Variants in SPRED2 observed in about 807,000 individuals in gnomAD.
SPRED2 encodes the protein sprouty related EVH1 domain containing 2.
Under a neutral mutation model 43.0 loss-of-function variants are expected in SPRED2, and 47 were observed. The ratio of observed to expected loss-of-function variants is 1.09; its 90% confidence interval spans 0.87 to 1.40. The LOEUF (loss-of-function observed/expected upper bound fraction) is 1.40. Among genes scored for constraint, SPRED2 ranks in the 40% most tolerant of loss-of-function variants. The pLI is 0.00. For synonymous variants in SPRED2, 225 were observed against 225.7 expected (o/e 1.00, Z 0.03); for missense variants, 561 against 586.4 (o/e 0.96, Z 0.45).
intron 2 of SPRED2, among the ~76,000 whole-genome samples, chr2:65,339,173 T>C (rs548217853): frequency 7.4e-6 from 1 of 134,956 alleles, no homozygotes; most frequent in South Asian, 2.4e-4. Flanking sequence ...CGGCCGCCCC[T>C]ACTGGGAGGT....
downstream of SPRED2, chr2:65,308,282 T>A (rs189347261): frequency 2.5e-5 from 25 of 984,750 alleles, no homozygotes; most frequent in East Asian, 5.7e-4. Context: ...GACCCTGCCC[T>A]CTCGGCAAAA....
At chr2:65,414,310 T>C (rs1676224953) in intron 1 of SPRED2, among the ~76,000 whole-genome samples, 1 of 152,228 alleles carries the variant, frequency 6.6e-6, no homozygotes. Flanking sequence ...TTTACACGTG[T>C]GTGAGTACTA....
intron 4 of SPRED2, among the ~76,000 whole-genome samples, chr2:65,330,972 TA>T (rs1329277537): frequency 9.9e-5 from 14 of 141,344 alleles, no homozygotes; most frequent in African/African-American, 3.4e-4. Flanking sequence ...AGTTTTATAA[TA>T]AAAAATGGAA....
chr2:65,427,217 G>A (rs1324414666), intron 1 of SPRED2, among the ~76,000 whole-genome samples: 2 of 151,970 alleles, frequency 1.3e-5, no homozygotes, highest in East Asian at 1.9e-4. Flanking sequence ...GACTACAGGT[G>A]TGCGCTACCA....
intron 3 of SPRED2, 128 bp from the exon 4 acceptor site, chr2:65,332,179 G>A (rs1673832830): frequency 1.8e-6 from 1 of 542,936 alleles, no homozygotes. Flanking sequence ...ACAGAAACAA[G>A]TTACCTGGGA....
chr2:65,313,513 T>C lies in SPRED2; in HGVS notation c.1245A>G (p.Lys415=). ...VMCRCCGGKH[K]AAA Reference sequence around the variant, plus strand: ...GAGGGAAACTGAGTCACGCGGCCGCTTTGTGCTTCCCGCCACAGCACCTGC... The same window carrying C: ...GAGGGAAACTGAGTCACGCGGCCGCCTTGTGCTTCCCGCCACAGCACCTGC... Residue 415 remains lysine, a synonymous_variant, in exon 6 of 6, where the codon AAA becomes AAG. Coordinates refer to ENST00000356388, the MANE Select transcript of SPRED2 (RefSeq NM_181784.3). 1.2e-6 allele frequency: 2 copies of C among 1,606,294 alleles called. No homozygotes were observed. The highest frequency in any genetic ancestry group is 1.7e-6 in the Non-Finnish European group (2 of 1,176,374).
chr2:65,312,986 G>A lies in SPRED2; in HGVS notation c.*515C>T. On this transcript the variant is annotated 3_prime_UTR_variant, in exon 6 of 6. Transcript: ENST00000356388. ...TACATAATAACTGACTGCAGGCTGA[G>A]ATACTTCTGTCGGGTTTCATCATTC... 1 of 985,918 alleles carries A rather than the reference G, an allele frequency of 1.0e-6. No homozygotes were observed. Among genetic ancestry groups the A allele is most frequent in the South Asian group, 4.7e-5 (1 of 21,288 alleles). 61.1% of individuals were successfully genotyped at this position (985,918 alleles called of 1,614,324 possible).
chr2:65,427,781 GCT>G (rs1427242568), intron 1 of SPRED2, among the ~76,000 whole-genome samples: 1 of 152,232 alleles, frequency 6.6e-6, no homozygotes, highest in Non-Finnish European at 1.5e-5. Context: ...AAGGCTGCGA[GCT>G]CTGAGTCAGA....
In SPRED2 at chr2:65,316,337, G is replaced by C. The variant is rs912202211; in HGVS notation, c.588+397C>G. The stretch of plus-strand genomic sequence containing the variant: ...GGCTCTGGGCTTCCACACAAAGCTG[G>C]GAGGCCCTTTGGACAGAGGAATGCA... On this transcript the variant is annotated intron_variant, in intron 5 of 5. Transcript: ENST00000356388. Among the ~76,000 whole-genome samples the C allele has an allele frequency of 1.1e-4, 16 of 152,346 alleles. No individual in the cohort carries two copies. In the East Asian group the frequency reaches 2.9e-3, roughly 28 times the overall value.
At chr2:65,397,575 C>T (rs1675785192) in intron 1 of SPRED2, among the ~76,000 whole-genome samples, 1 of 151,862 alleles carries the variant, frequency 6.6e-6, no homozygotes. Context: ...CCCAACCTGA[C>T]CCTTCACATT....
intron 1 of SPRED2, among the ~76,000 whole-genome samples, chr2:65,417,761 AAAAAAGAGGG>A (rs1676322047): frequency 1.3e-5 from 2 of 152,178 alleles, no homozygotes; most frequent in Non-Finnish European, 2.9e-5. Context: ...AATTATGTGT[AAAAAAGAGGG>A]AGCTGAGCTC....
chr2:65,310,470 C>G (rs967836336), downstream of SPRED2, among the ~76,000 whole-genome samples: 3 of 126,664 alleles, frequency 2.4e-5, no homozygotes, highest in African/African-American at 1.0e-4. Flanking sequence ...CACACACACA[C>G]ACACACACAC....
At chr2:65,328,915 C>T (rs1321968848) in intron 4 of SPRED2, among the ~76,000 whole-genome samples, 1 of 152,190 alleles carries the variant, frequency 6.6e-6, no homozygotes, top group East Asian at 1.9e-4. Flanking sequence ...ATTCTGTGCC[C>T]TTTTACTTCT....
intron 1 of SPRED2, among the ~76,000 whole-genome samples, chr2:65,384,975 C>CTTTTTTT (rs35418849): frequency 7.2e-6 from 1 of 139,814 alleles, no homozygotes; most frequent in Non-Finnish European, 1.5e-5. Context: ...TCCACTTCTT[C>CTTTTTTT]TTTTTTTTTT....
intron 1 of SPRED2, among the ~76,000 whole-genome samples, chr2:65,417,268 C>T (rs1355135940): frequency 6.6e-6 from 1 of 152,192 alleles, no homozygotes; most frequent in Admixed American, 6.5e-5. Context: ...AAACATTTTT[C>T]TGGTGCCCAG....
chr2:65,384,648 C>T (rs756290542), intron 1 of SPRED2, among the ~76,000 whole-genome samples: 1 of 152,128 alleles, frequency 6.6e-6, no homozygotes, highest in Non-Finnish European at 1.5e-5. Flanking sequence ...GCAGATGCTA[C>T]CCCCACGGAG....
intron 1 of SPRED2, among the ~76,000 whole-genome samples, chr2:65,395,244 C>T (rs375448436): frequency 1.2e-4 from 19 of 152,304 alleles, no homozygotes; most frequent in Middle Eastern, 3.4e-3. Context: ...TAACCCTCCA[C>T]GGATTTTGTC....
At chr2:65,327,594 C>T (rs989585711) in intron 4 of SPRED2, among the ~76,000 whole-genome samples, 5 of 152,146 alleles carry the variant, frequency 3.3e-5, no homozygotes, top group African/African-American at 9.7e-5. Context: ...CTTCTTCTGA[C>T]ACCCCACCCT....
downstream of SPRED2, among the ~76,000 whole-genome samples, chr2:65,310,458 T>TACACACACACACACACACACAC (rs55916427): frequency 7.3e-6 from 1 of 137,894 alleles, no homozygotes; most frequent in Non-Finnish European, 1.6e-5. Flanking sequence ...TCCTCCAAAC[T>TACACACACACACACACACACAC]ACACACACAC....
Sources: gnomAD v4.1 joint callset for allele counts (sites outside exome capture counted in the v4.1 genomes callset) on GRCh38, gnomAD v4.1.1 for gene constraint, MANE v1.5 for transcripts, NCBI Gene and HGNC (gene_info 2026-07-23, HGNC 2026-07-21) for gene names.